PLD2: variants seen among roughly 807,000 people sequenced by gnomAD.
PLD2 encodes choline phosphatase 2.
Under a neutral mutation model 119.8 loss-of-function variants are expected in PLD2, and 101 were observed. That is an observed-to-expected ratio of 0.84 (90% CI 0.72 to 0.99). PLD2 has a LOEUF of 0.99. Among genes scored for constraint, PLD2 ranks in the 50% least tolerant of loss-of-function variants. The pLI, the probability that PLD2 is intolerant of heterozygous loss-of-function variation, is 0.00. For synonymous variants in PLD2, 494 were observed against 482.8 expected (o/e 1.02, Z -0.30); for missense variants, 1,164 against 1,226.8 (o/e 0.95, Z 0.76).
chr17:4,816,108 G>A lies in PLD2; in HGVS notation c.1455+174G>A, dbSNP rs553179958. ...TTGAAAGTGCTGTAACTGGCCGGGA[G>A]CCATGGCTTATGCCTGTAATCCCAG... On this transcript the variant is annotated intron_variant, in intron 14 of 24. Coordinates refer to ENST00000263088, the MANE Select transcript of PLD2 (RefSeq NM_002663.5). Among the ~76,000 whole-genome samples, 16 of 152,266 alleles carry A rather than the reference G, an allele frequency of 1.1e-4. No individual in the cohort carries two copies. The East Asian group carries it at 3.1e-3, about 29-fold the overall frequency.
chr17:4,807,802 C>T lies in PLD2; in HGVS notation c.30C>T (p.Pro10=), dbSNP rs879695066. 6.2e-7 allele frequency: 1 copy of T among 1,611,478 alleles called. No individual in the cohort carries two copies. The highest frequency in any genetic ancestry group is 8.5e-7 in the Non-Finnish European group (1 of 1,179,114). Residue 10 remains proline (P), a synonymous_variant, in exon 2 of 25, where the codon CCC becomes CCT. Coordinates refer to ENST00000263088, the MANE Select transcript of PLD2 (RefSeq NM_002663.5). The surrounding 1 kb of genome is among the most constrained non-coding windows in gnomAD (Gnocchi z 5.4). MTATPESLF[P]TGDELDSSQL... Reference sequence around the variant, plus strand: ...CGGCGACCCCTGAGAGCCTCTTCCCCACTGGGGACGAACTGGACTCCAGCC... The same window carrying T: ...CGGCGACCCCTGAGAGCCTCTTCCCTACTGGGGACGAACTGGACTCCAGCC...
chr17:4,822,529 T>G, intron 24 of PLD2, 111 bp from the exon 25 acceptor site: 2 of 659,388 alleles, frequency 3.0e-6, no homozygotes, highest in East Asian at 2.7e-5. Flanking sequence ...TGGCCCAGGG[T>G]CAACGGGGGG....
At chr17:4,816,593 C>T in intron 14 of PLD2, 27 bp from the exon 15 acceptor site, 2 of 1,612,630 alleles carry the variant, frequency 1.2e-6, no homozygotes, top group Middle Eastern at 1.7e-4. Context: ...TCCCCTTGCC[C>T]CTGGCTTGGG....
rs1243173886 is a variant in PLD2, at chr17:4,815,464, A to G, written c.1174-12A>G. On this transcript the variant is annotated splice_polypyrimidine_tract_variant and intron_variant, in intron 12 of 24. Transcript: ENST00000263088. ...AGAGGCACTAGGATCTGATTCCCCA[A>G]CTCACCACCAGGAGGAGGGTGTCCG... The G allele has an allele frequency of 7.1e-6, 11 of 1,538,684 alleles. No homozygotes were observed. Among genetic ancestry groups the G allele is most frequent in the Non-Finnish European group, 9.9e-6 (11 of 1,110,930 alleles).
At chr17:4,810,145 TC>T (rs1696848072) in intron 9 of PLD2, 116 bp downstream of exon 9, 1 of 1,063,364 alleles carries the variant, frequency 9.4e-7, no homozygotes, top group Admixed American at 2.2e-5. Context: ...CCTCCCTGGA[TC>T]GGGACATAGT....
At chr17:4,821,087 A>G (rs946235169) in intron 23 of PLD2, among the ~76,000 whole-genome samples, 14 of 148,456 alleles carry the variant, frequency 9.4e-5, no homozygotes, top group African/African-American at 2.7e-4. Context: ...TATTTTTAGT[A>G]TAGATGGGGT....
At position 4,807,734 on chromosome 17, in the gene PLD2, G is replaced by A. The variant is rs1459720396; in HGVS notation, c.-1-38G>A. 8.3e-7 allele frequency: 1 copy of A among 1,200,042 alleles called. No homozygotes were observed. The highest frequency in any genetic ancestry group is 1.5e-5 in the African/African-American group (1 of 66,902). 74.3% of individuals were successfully genotyped at this position (1,200,042 alleles called of 1,614,324 possible). ...GTTAGGATGGGGGGCGGGTTCTGCA[G>A]GACAGCTCGCCTCCCTGAGGCTTCC... On this transcript the variant is annotated intron_variant, in intron 1 of 24. Transcript: ENST00000263088. The surrounding 1 kb of genome is among the most constrained non-coding windows in gnomAD (Gnocchi z 5.4).
In PLD2 at chr17:4,818,055, C is replaced by A; in HGVS notation, c.1869C>A (p.Leu623=). Residue 623 remains leucine, a synonymous_variant, in exon 18 of 25, where the codon CTC becomes CTA. Transcript: ENST00000263088. Reference sequence around the variant, plus strand: ...CAGGGACTCTGGAGAACTCCATCCTCAATGCCTACCTGCACACCATCAGGG... The same window carrying A: ...CAGGGACTCTGGAGAACTCCATCCTAAATGCCTACCTGCACACCATCAGGG... ...WSAGTLENSI[L]NAYLHTIRES... The A allele has an allele frequency of 6.2e-7, 1 of 1,614,172 alleles. No homozygotes were observed. The highest frequency in any genetic ancestry group is 1.1e-5 in the South Asian group (1 of 91,088).
In PLD2 at chr17:4,816,719, T is replaced by TG; in HGVS notation, c.1558dup (p.Val520GlyfsTer12). The TG allele has an allele frequency of 6.2e-7, 1 of 1,614,140 alleles. No homozygotes were observed. The highest frequency in any genetic ancestry group is 8.5e-7 in the Non-Finnish European group (1 of 1,180,020). On this transcript the variant is annotated frameshift_variant, in exon 15 of 25. Transcript: ENST00000263088. LOFTEE classifies it high-confidence loss of function. ...CTACAGCAATCTTATCACCAAGGAC[T>TG]GGGTGCAGCTGGACCGGCCTTTCGA...
chr17:4,811,464 AC>A (rs1301664902), intron 10 of PLD2, among the ~76,000 whole-genome samples: 8 of 976 alleles, frequency 8.2e-3, no homozygotes, highest in Non-Finnish European at 0.054. Context: ...TTTAGTAGAG[AC>A]GGGGGTTTCA....
At chr17:4,817,736 A>T (rs1375911188) in intron 17 of PLD2, among the ~76,000 whole-genome samples, 1 of 151,568 alleles carries the variant, frequency 6.6e-6, no homozygotes, top group African/African-American at 2.4e-5. Context: ...AGGCAGGCGG[A>T]TCACGAGGTC....
intron 20 of PLD2, 64 bp downstream of exon 20, chr17:4,818,671 C>T (rs1907301067): frequency 6.4e-7 from 1 of 1,552,012 alleles, no homozygotes; most frequent in African/African-American, 1.4e-5. Context: ...CCTCCTGATT[C>T]TGTCCTGATC....
At position 4,819,450 on chromosome 17, in the gene PLD2, G is replaced by A. The variant is rs781767395; in HGVS notation, c.2330G>A (p.Arg777Gln). 1.1e-5 allele frequency: 17 copies of A among 1,613,776 alleles called. No individual in the cohort carries two copies. The highest frequency in any genetic ancestry group is 2.2e-5 in the East Asian group (1 of 44,858). Residue 777 changes from arginine to glutamine, a missense_variant, in exon 23 of 25, where the codon CGG (arginine) becomes CAG (glutamine). Transcript: ENST00000263088. The surrounding 1 kb of genome is among the most constrained non-coding windows in gnomAD (Gnocchi z 4.2). ...VIIGSANIND[R>Q]SLLGKRDSEL... ...CCAGGTTCTGCAAACATCAATGACC[G>A]GAGCTTGCTGGGGAAGCGGGACAGT...
At position 4,814,418 on chromosome 17, in the gene PLD2, G is replaced by A. The variant is rs1906765934; in HGVS notation, c.1011G>A (p.Trp337Ter). Residue 337 changes from tryptophan (W) to a stop codon, truncating the protein, a stop_gained and splice_region_variant, in exon 11 of 25, where the codon TGG becomes TGA. Transcript: ENST00000263088. LOFTEE classifies it high-confidence loss of function. ...CCTCCTTGGCTTGGCCTCCCCCCAGGTTTGTGAATGGGGCAGGTTACTTTG... is the reference window on the plus strand; with the variant it reads ...CCTCCTTGGCTTGGCCTCCCCCCAGATTTGTGAATGGGGCAGGTTACTTTG... ...APPRPGTLARWFVNGAGYFAA... is the reference protein window; with the variant it reads ...APPRPGTLAR 13 of 1,609,622 alleles carry A rather than the reference G, an allele frequency of 8.1e-6. No individual in the cohort carries two copies. Among genetic ancestry groups the A allele is most frequent in the Non-Finnish European group, 1.1e-5 (13 of 1,178,622 alleles).
Position 4,821,786 on chromosome 17 carries a change from C to T in PLD2, c.2463-7C>T, listed in dbSNP as rs1287889977. 5 of 1,602,778 alleles carry T rather than the reference C, an allele frequency of 3.1e-6. No individual in the cohort carries two copies. In the South Asian group the frequency reaches 5.5e-5, roughly 18 times the overall value. On this transcript the variant is annotated splice_region_variant and splice_polypyrimidine_tract_variant and intron_variant, in intron 23 of 24. Transcript: ENST00000263088. ...TCTGGCCCTGCTGGGACCCCTTTCT[C>T]CTATAGTGTGATTCTTGGAGCAAAT...
At chr17:4,818,846 T>C (rs1211734514) in intron 21 of PLD2, 23 bp downstream of exon 21, 2 of 1,610,932 alleles carry the variant, frequency 1.2e-6, no homozygotes, top group Non-Finnish European at 1.7e-6. Context: ...GGCTGGGGGC[T>C]CAAGCCCTGG....
At chr17:4,817,925 T>C in intron 17 of PLD2, 77 bp from the exon 18 acceptor site, 1 of 1,017,608 alleles carries the variant, frequency 9.8e-7, no homozygotes, top group African/African-American at 1.6e-5. Context: ...GCCACTGCAC[T>C]CCAGCCTAGG....
chr17:4,813,312 C>T (rs1380732700), intron 10 of PLD2, among the ~76,000 whole-genome samples: 2 of 152,302 alleles, frequency 1.3e-5, no homozygotes, highest in East Asian at 3.9e-4. Flanking sequence ...GCCCAGCCTT[C>T]CTGCATATTT....
chr17:4,820,388 C>G (rs1165040858), intron 23 of PLD2, among the ~76,000 whole-genome samples: 2 of 150,954 alleles, frequency 1.3e-5, no homozygotes, highest in Non-Finnish European at 2.9e-5. Flanking sequence ...CTGCCTCAGC[C>G]TCCGGAGTAG....
Sources: allele counts gnomAD v4.1 joint callset (sites outside exome capture counted in the v4.1 genomes callset), GRCh38; gene constraint gnomAD v4.1.1; non-coding constraint Gnocchi (gnomAD v3.1); transcripts MANE v1.5; gene names NCBI Gene and HGNC (gene_info 2026-07-23, HGNC 2026-07-21).